The following RAB11FIP4 variants were observed in gnomAD, a reference collection of about 807,000 sequenced individuals.
RAB11FIP4 encodes rab11 family-interacting protein 4.
RAB11FIP4 carries 23 observed loss-of-function variants against 74.3 expected under a neutral mutation model. The observed-to-expected ratio is 0.31, with a 90% CI of 0.22 to 0.44. The LOEUF (loss-of-function observed/expected upper bound fraction) is 0.44, where lower values mean the gene tolerates loss of function less well. RAB11FIP4 is among the 20% of genes least tolerant of loss of function. The pLI is 1.00. For missense variants in RAB11FIP4, 630 were observed against 863.9 expected, an observed-to-expected ratio of 0.73 and a Z score of 3.39; for synonymous variants, 360 against 359.9, an observed-to-expected ratio of 1.00 and a Z score of 0.00.
intron 3 of RAB11FIP4, among the ~76,000 whole-genome samples, chr17:31,516,340 G>T (rs552194979): frequency 6.6e-6 from 1 of 151,948 alleles, no homozygotes; most frequent in African/African-American, 2.4e-5. Context: ...TCTAGAAGCC[G>T]TTTGGCTTCC....
At chr17:31,430,352 ATTTTTTT>A (rs56078412) in intron 1 of RAB11FIP4, among the ~76,000 whole-genome samples, 94 of 111,762 alleles carry the variant, frequency 8.4e-4, no homozygotes, top group Admixed American at 1.7e-3. Flanking sequence ...TGGAGTTTGG[ATTTTTTT>A]TTTTTTTTTT....
At position 31,403,512 on chromosome 17, in the gene RAB11FIP4, C is replaced by T. The variant is rs535343721; in HGVS notation, c.159+11501C>T. Reference sequence around the variant, plus strand: ...TAATTTTTTGTATTTTTAGTAGAAACGGGGTTTCACCATGTTGGCCAGGAT... The same window carrying T: ...TAATTTTTTGTATTTTTAGTAGAAATGGGGTTTCACCATGTTGGCCAGGAT... On this transcript the variant is annotated intron_variant, in intron 1 of 14. Transcript: ENST00000621161. Among the ~76,000 whole-genome samples, 18 of 152,098 alleles carry T rather than the reference C, an allele frequency of 1.2e-4. No individual in the cohort carries two copies. The South Asian group carries it at 1.5e-3, about 12-fold the overall frequency.
At chr17:31,489,871 A>G (rs2142750646) in intron 3 of RAB11FIP4, among the ~76,000 whole-genome samples, 1 of 152,164 alleles carries the variant, frequency 6.6e-6, no homozygotes. Flanking sequence ...GGTGGAGTAA[A>G]TGACTAAGGC....
At chr17:31,477,891 C>A (rs928503938) in intron 3 of RAB11FIP4, among the ~76,000 whole-genome samples, 1 of 152,066 alleles carries the variant, frequency 6.6e-6, no homozygotes, top group South Asian at 2.1e-4. Flanking sequence ...GGGGATAATA[C>A]CTGCCTCGTA....
intron 1 of RAB11FIP4, among the ~76,000 whole-genome samples, chr17:31,421,159 A>G (rs1211038203): frequency 6.6e-6 from 1 of 152,144 alleles, no homozygotes; most frequent in African/African-American, 2.4e-5. Flanking sequence ...CTAATTCCCA[A>G]GTATTTGAGG....
At chr17:31,430,331 G>A (rs912641140) in intron 1 of RAB11FIP4, among the ~76,000 whole-genome samples, 1 of 151,516 alleles carries the variant, frequency 6.6e-6, no homozygotes, top group Non-Finnish European at 1.5e-5. Context: ...GGGGCCTTGT[G>A]GGCCGTGTTG....
intron 3 of RAB11FIP4, among the ~76,000 whole-genome samples, chr17:31,438,206 G>A (rs1228383377): frequency 6.6e-6 from 1 of 152,178 alleles, no homozygotes; most frequent in East Asian, 1.9e-4. Context: ...CCGTGGGGAG[G>A]GGGCATGGAG....
intron 3 of RAB11FIP4, among the ~76,000 whole-genome samples, chr17:31,492,148 C>T (rs1446792245): frequency 6.6e-6 from 1 of 152,214 alleles, no homozygotes; most frequent in African/African-American, 2.4e-5. Flanking sequence ...GCCTGTGTCA[C>T]CCAGGCTGTC....
intron 3 of RAB11FIP4, among the ~76,000 whole-genome samples, chr17:31,514,600 A>C (rs2072512858): frequency 6.6e-6 from 1 of 152,222 alleles, no homozygotes; most frequent in African/African-American, 2.4e-5. Context: ...CAAGTTGCTG[A>C]GCTCTCACAT....
chr17:31,411,217 A>G (rs9906881), intron 1 of RAB11FIP4, among the ~76,000 whole-genome samples: 1 of 152,062 alleles, frequency 6.6e-6, no homozygotes, highest in African/African-American at 2.4e-5. Flanking sequence ...CAAAAAAATT[A>G]GCCAGGCGTG....
chr17:31,508,659 G>A (rs956620516), intron 3 of RAB11FIP4, among the ~76,000 whole-genome samples: 1 of 152,198 alleles, frequency 6.6e-6, no homozygotes, highest in African/African-American at 2.4e-5. Flanking sequence ...GAGACCACTC[G>A]CTTAGCCCCT....
intron 12 of RAB11FIP4, 31 bp from the exon 13 acceptor site, chr17:31,528,589 G>C: frequency 6.2e-7 from 1 of 1,613,338 alleles, no homozygotes; most frequent in Non-Finnish European, 8.5e-7. Context: ...CAGCATCCCT[G>C]CTCCTGCCAA....
rs1464158776 is a variant in RAB11FIP4, at chr17:31,537,474, G to C, written c.*5742G>C. 2 of 351,506 alleles carry C rather than the reference G, an allele frequency of 5.7e-6. No homozygotes were observed. The highest frequency in any genetic ancestry group is 4.2e-5 in the African/African-American group (2 of 47,840). 21.8% of individuals were successfully genotyped at this position (351,506 alleles called of 1,614,324 possible). The stretch of plus-strand genomic sequence containing the variant: ...GAAAAGGGCAACTTTGTGTAAAGCA[G>C]CTTCTCCCACAGAGCTTTCCCTGCA... On this transcript the variant is annotated 3_prime_UTR_variant, in exon 15 of 15. Coordinates refer to ENST00000621161, the MANE Select transcript of RAB11FIP4 (RefSeq NM_032932.6).
At chr17:31,524,912 G>A (rs907987844) in intron 9 of RAB11FIP4, 178 bp from the exon 10 acceptor site, 16 of 740,266 alleles carry the variant, frequency 2.2e-5, no homozygotes, top group South Asian at 3.6e-5. Context: ...ATGTGTGACC[G>A]ACACCCCCTC....
intron 3 of RAB11FIP4, among the ~76,000 whole-genome samples, chr17:31,491,393 C>T (rs1421762320): frequency 6.6e-6 from 1 of 152,096 alleles, no homozygotes; most frequent in Middle Eastern, 3.2e-3. Context: ...TCAAGGAGCT[C>T]GCAGGATGGT....
At chr17:31,491,657 G>A (rs1052960611) in intron 3 of RAB11FIP4, among the ~76,000 whole-genome samples, 5 of 152,178 alleles carry the variant, frequency 3.3e-5, no homozygotes, top group African/African-American at 1.2e-4. Context: ...GGGCTGGGGG[G>A]ACAGGGGACA....
At chr17:31,440,768 T>TAC (rs201608285) in intron 3 of RAB11FIP4, among the ~76,000 whole-genome samples, 3 of 152,046 alleles carry the variant, frequency 2.0e-5, no homozygotes, top group Admixed American at 6.6e-5. Context: ...GACTCTGTCA[T>TAC]ACACACACAC....
Position 31,532,694 on chromosome 17 carries a change from C to G in RAB11FIP4, c.*962C>G, listed in dbSNP as rs539454882. On this transcript the variant is annotated 3_prime_UTR_variant, in exon 15 of 15. Transcript: ENST00000621161. ...TGGCTCCCTGTCTTCATTCTCCACGCAGCCTGGTGATGGCAGGCCTGGGTT... is the reference window on the plus strand; with the variant it reads ...TGGCTCCCTGTCTTCATTCTCCACGGAGCCTGGTGATGGCAGGCCTGGGTT... The G allele has an allele frequency of 1.3e-5, 2 of 152,226 alleles. No individual in the cohort carries two copies. Among genetic ancestry groups the G allele is most frequent in the Non-Finnish European group, 2.9e-5 (2 of 68,036 alleles). 9.4% of individuals were successfully genotyped at this position (152,226 alleles called of 1,614,324 possible).
At chr17:31,436,378 G>A (rs1156260927) in intron 3 of RAB11FIP4, among the ~76,000 whole-genome samples, 1 of 149,270 alleles carries the variant, frequency 6.7e-6, no homozygotes, top group Non-Finnish European at 1.5e-5. Flanking sequence ...GCAAAATTAT[G>A]TTAAAGTAAA....
Sources: gnomAD v4.1 joint callset for allele counts (sites outside exome capture counted in the v4.1 genomes callset) on GRCh38, gnomAD v4.1.1 for gene constraint, MANE v1.5 for transcripts, NCBI Gene and HGNC (gene_info 2026-07-23, HGNC 2026-07-21) for gene names.